INF2: variants seen among roughly 807,000 people sequenced by gnomAD.
The protein encoded by INF2 is inverted formin-2.
INF2 carries 43 observed loss-of-function variants against 123.5 expected under a neutral mutation model. The observed-to-expected ratio is 0.35, with a 90% CI of 0.27 to 0.45. INF2 has a LOEUF of 0.45. Among genes scored for constraint, INF2 ranks in the 20% least tolerant of loss-of-function variants. INF2 has a pLI of 1.00. For synonymous variants in INF2, 851 were observed against 745.0 expected, an observed-to-expected ratio of 1.14 and a Z score of -2.32; for missense variants, 1,453 against 1,682.7, an observed-to-expected ratio of 0.86 and a Z score of 2.39.
At chr14:104,692,442 G>A (rs1424648672) in intron 1 of INF2, among the ~76,000 whole-genome samples, 1 of 152,080 alleles carries the variant, frequency 6.6e-6, no homozygotes, top group East Asian at 1.9e-4. Flanking sequence ...GGTGCAAATG[G>A]GCTGGCCCCA....
At chr14:104,691,432 A>C (rs1888946505) in intron 1 of INF2, 1 of 152,108 alleles carries the variant, frequency 6.6e-6, no homozygotes, top group Non-Finnish European at 1.5e-5. Context: ...TGGAGGTCAA[A>C]TTTCCCTGTA....
rs968135564 is a variant in INF2, at chr14:104,684,135, T to C, written c.-104+2553T>C. ...AAGACAGTTCAAAGCTGAGCGGCTC[T>C]CCCCATCATGCAAGTAACCTGCGTG... On this transcript the variant is annotated intron_variant, in intron 1 of 2. Coordinates refer to the INF2 transcript ENST00000674723. The surrounding 1 kb of genome is among the most constrained non-coding windows in gnomAD (Gnocchi z 5.0). 2 of 455,616 alleles carry C rather than the reference T, an allele frequency of 4.4e-6. No individual in the cohort carries two copies. Among genetic ancestry groups the C allele is most frequent in the Non-Finnish European group, 8.8e-6 (2 of 226,598 alleles). 28.2% of individuals were successfully genotyped at this position (455,616 alleles called of 1,614,324 possible). A position where few individuals can be genotyped will look rare whatever the true frequency, so the allele number is the denominator to read the frequency against.
chr14:104,689,211 G>C (rs1888798741), upstream of INF2: 1 of 985,284 alleles, frequency 1.0e-6, no homozygotes, highest in Admixed American at 6.1e-5. Flanking sequence ...GATCCGGCTG[G>C]CTGGAACGGG....
At chr14:104,703,692 C>G (rs1454176558) in intron 4 of INF2, among the ~76,000 whole-genome samples, 1 of 152,222 alleles carries the variant, frequency 6.6e-6, no homozygotes, top group Non-Finnish European at 1.5e-5. Context: ...GGCAGTGGAG[C>G]CGGACAGGGG....
chr14:104,712,351 G>T (rs1025331652), intron 16 of INF2, 82 bp from the exon 17 acceptor site: 174 of 1,581,160 alleles, frequency 1.1e-4, no homozygotes, highest in Non-Finnish European at 1.4e-4. Flanking sequence ...GGGTGCCGGG[G>T]GGTGCAGGGG....
chr14:104,706,818 A>T, intron 6 of INF2, 92 bp from the exon 7 acceptor site: 1 of 1,439,088 alleles, frequency 6.9e-7, no homozygotes, highest in South Asian at 1.3e-5. Context: ...AGAGGGGGTG[A>T]TGGGGCTGGA....
chr14:104,714,020 C>A (rs763284869), intron 20 of INF2, among the ~76,000 whole-genome samples, 183 bp from the exon 21 acceptor site: 35 of 152,342 alleles, frequency 2.3e-4, no homozygotes, highest in Non-Finnish European at 4.7e-4. Context: ...GTGTCCCCCA[C>A]CCTGCCACAG....
chr14:104,710,520 C>T (rs1366003393), intron 13 of INF2, among the ~76,000 whole-genome samples: 2 of 151,792 alleles, frequency 1.3e-5, no homozygotes, highest in Admixed American at 6.6e-5. Context: ...GGCACGTGCA[C>T]ACACACAAGC....
At chr14:104,712,288 A>C in intron 16 of INF2, 145 bp from the exon 17 acceptor site, 2 of 1,115,046 alleles carry the variant, frequency 1.8e-6, no homozygotes, top group East Asian at 2.6e-5. Flanking sequence ...ACAGGCACTC[A>C]ACCCCAACAC....
Position 104,709,842 on chromosome 14 carries a change from G to T in INF2, c.2138+137G>T. 3.8e-6 allele frequency: 3 copies of T among 795,878 alleles called. No homozygotes were observed. The South Asian group carries it at 4.6e-5, about 12-fold the overall frequency. The allele number at this position is 795,878 out of a possible 1,614,324, so 49.3% of individuals were successfully genotyped here. On this transcript the variant is annotated intron_variant, in intron 12 of 22. Coordinates refer to ENST00000392634, the MANE Select transcript of INF2 (RefSeq NM_022489.4). The stretch of plus-strand genomic sequence containing the variant: ...CGGGCTCCAGGAGCAGCATTGCAGC[G>T]GTTGGGCTTCTAAACATCACTCGAG...
At position 104,708,173 on chromosome 14, in the gene INF2, G is replaced by A. The variant is rs895883903; in HGVS notation, c.1735+171G>A. 4 of 1,105,212 alleles carry A rather than the reference G, an allele frequency of 3.6e-6. No individual in the cohort carries two copies. The African/African-American group carries it at 6.2e-5, about 17-fold the overall frequency. 68.5% of individuals were successfully genotyped at this position (1,105,212 alleles called of 1,614,324 possible). A position where few individuals can be genotyped will look rare whatever the true frequency, so the allele number is the denominator to read the frequency against. On this transcript the variant is annotated intron_variant, in intron 8 of 22. Transcript: ENST00000392634. ...CGCCTGTGGTTGAGGTGGGGACGGGGGAGGAGCAGGGCAGGGGCTACCTCT... is the reference window on the plus strand; with the variant it reads ...CGCCTGTGGTTGAGGTGGGGACGGGAGAGGAGCAGGGCAGGGGCTACCTCT...
chr14:104,703,230 A>AGGGCCT lies in INF2; in HGVS notation c.507+21_507+26dup, dbSNP rs1305499946. The AGGGCCT allele has an allele frequency of 1.9e-6, 3 of 1,613,072 alleles. No individual in the cohort carries two copies. The highest frequency in any genetic ancestry group is 2.2e-5 in the East Asian group (1 of 44,880). On this transcript the variant is annotated intron_variant, in intron 3 of 22. Transcript: ENST00000392634. ...CCTGGACCACTACAAGGTGGGCGGCAGGGCCTGGGCCTGGGCACATGGGGC... is the reference window on the plus strand; with the variant it reads ...CCTGGACCACTACAAGGTGGGCGGCAGGGCCTGGGCCTGGGCCTGGGCACATGGGGC...
chr14:104,682,494 G>T (rs57515560), intron 1 of INF2, among the ~76,000 whole-genome samples: 1 of 152,128 alleles, frequency 6.6e-6, no homozygotes, highest in Non-Finnish European at 1.5e-5. Flanking sequence ...GAGGCGGGAG[G>T]GCGGCAGGGA....
Position 104,699,556 on chromosome 14 carries a change from A to C in INF2, c.-9-1801A>C, listed in dbSNP as rs1395264628. ...TGAGGAGCAGCCCAGGACAGGGCCC[A>C]GAGTGGGTGGGCAGAGGTGGCCGGA... On this transcript the variant is annotated intron_variant, in intron 1 of 22. Transcript: ENST00000392634. The surrounding 1 kb of genome is among the most constrained non-coding windows in gnomAD (Gnocchi z 4.7). The C allele has an allele frequency of 1.0e-6, 1 of 984,836 alleles. No homozygotes were observed. Among genetic ancestry groups the C allele is most frequent in the African/African-American group, 1.8e-5 (1 of 57,080 alleles). 61.0% of individuals were successfully genotyped at this position (984,836 alleles called of 1,614,324 possible). A position where few individuals can be genotyped will look rare whatever the true frequency, so the allele number is the denominator to read the frequency against.
chr14:104,704,447 A>G (rs1468794905), intron 5 of INF2: 3 of 205,002 alleles, frequency 1.5e-5, no homozygotes, highest in Non-Finnish European at 3.0e-5. Flanking sequence ...TACCTGGCCT[A>G]TTGGAACCGG....
chr14:104,708,985 T>C (rs1374588384), intron 10 of INF2, among the ~76,000 whole-genome samples: 1 of 152,138 alleles, frequency 6.6e-6, no homozygotes, highest in Admixed American at 6.5e-5. Context: ...GGGCCCTGAC[T>C]CTCAGCCCCC....
At chr14:104,707,101 AGGTCTTAGACCATGGG>A in intron 7 of INF2, 50 bp downstream of exon 7, 3 of 1,542,746 alleles carry the variant, frequency 1.9e-6, no homozygotes, top group Non-Finnish European at 2.6e-6. Context: ...GCAGACACTG[AGGTCTTAGACCATGGG>A]GGGGGGAGCC....
rs144528565 is a variant in INF2 at position 104,696,742 on chromosome 14, C to G, written c.-9-4615C>G. 3.0e-3 allele frequency among the ~76,000 whole-genome samples: 456 copies of G among 152,186 alleles called. 4 individuals are homozygous for G. The highest frequency in any genetic ancestry group is 0.011 in the African/African-American group (441 of 41,512). ...GGAAAAATTGGGGCTCTCGGAGGAG[C>G]TAAAAATACAGTGTGGCAGCCCCTG... On this transcript the variant is annotated intron_variant, in intron 1 of 22. Coordinates refer to ENST00000392634, the MANE Select transcript of INF2 (RefSeq NM_022489.4).
At chr14:104,710,259 G>A (rs975524219) in intron 13 of INF2, 71 bp downstream of exon 13, 5 of 1,131,562 alleles carry the variant, frequency 4.4e-6, no homozygotes, top group Non-Finnish European at 6.4e-6. Flanking sequence ...GGGCTGCTCG[G>A]GGCCCCTGCT....
Sources: gnomAD v4.1 joint callset for allele counts (sites outside exome capture counted in the v4.1 genomes callset) on GRCh38, gnomAD v4.1.1 for gene constraint, Gnocchi (gnomAD v3.1) non-coding constraint, MANE v1.5 for transcripts, NCBI Gene and HGNC (gene_info 2026-07-23, HGNC 2026-07-21) for gene names.